SACS: variants seen among roughly 807,000 people sequenced by gnomAD.
SACS encodes the protein sacsin molecular chaperone.
A neutral mutation model predicts 348.0 loss-of-function variants in SACS; 197 were observed. The observed-to-expected ratio is 0.57, with a 90% CI of 0.50 to 0.64. SACS has a LOEUF of 0.64. Among genes scored for constraint, SACS ranks in the 30% least tolerant of loss-of-function variants. The probability of loss-of-function intolerance (pLI) is 0.00; values close to 1 mark genes in which losing one functional copy is unlikely to be tolerated. For missense variants in SACS, 4,999 were observed against 5,360.8 expected (o/e 0.93, Z 2.11); for synonymous variants, 1,985 against 1,910.6 (o/e 1.04, Z -1.02).
chr13:23,358,823 A>G (rs1870555834), intron 6 of SACS, among the ~76,000 whole-genome samples: 1 of 152,162 alleles, frequency 6.6e-6, no homozygotes, highest in African/African-American at 2.4e-5. Context: ...TTTTTTTGGT[A>G]AATGGAAAAT....
chr13:23,350,861 A>AAAAAG (rs1869909515), intron 9 of SACS, among the ~76,000 whole-genome samples: 1 of 152,206 alleles, frequency 6.6e-6, no homozygotes, highest in African/African-American at 2.4e-5. Flanking sequence ...GTAAGTTGAG[A>AAAAAG]AAAAGCATCT....
In SACS at chr13:23,338,044, T is replaced by C. The variant is rs374169472; in HGVS notation, c.5832A>G (p.Ala1944=). ...GAACTAAATCAGGATCGGGCCATAC[T>C]GCATAGTAAGTATAATCCATTAGCT... ...SGELMDYTYY[A]VWPDPDLVHD... The change falls in exon 10 of 10, where the codon GCA becomes GCG. Residue 1944 remains alanine, a synonymous_variant. Transcript: ENST00000382292. The C allele has an allele frequency of 1.1e-4, 173 of 1,613,758 alleles. No homozygotes were observed. The highest frequency in any genetic ancestry group is 1.4e-4 in the Non-Finnish European group (169 of 1,179,890).
At chr13:23,362,554 T>G (rs926228413) in intron 6 of SACS, among the ~76,000 whole-genome samples, 2 of 151,392 alleles carry the variant, frequency 1.3e-5, no homozygotes, top group East Asian at 1.9e-4. Context: ...CAGAGATCAC[T>G]GCCACCTGCT....
intron 9 of SACS, among the ~76,000 whole-genome samples, chr13:23,352,020 T>C (rs542564326): frequency 1.2e-4 from 19 of 152,284 alleles, no homozygotes; most frequent in Admixed American, 4.6e-4. Flanking sequence ...ATATAACAGG[T>C]TTGCCCCATC....
intron 2 of SACS, among the ~76,000 whole-genome samples, chr13:23,410,697 A>T (rs1030355872): frequency 6.6e-6 from 1 of 152,012 alleles, no homozygotes; most frequent in Admixed American, 6.5e-5. Context: ...TTTTTTTTGC[A>T]CAAATCCTCA....
intron 1 of SACS, among the ~76,000 whole-genome samples, chr13:23,426,508 T>C (rs1446027124): frequency 6.6e-6 from 1 of 151,840 alleles, no homozygotes; most frequent in Admixed American, 6.6e-5. Context: ...GGCATGATGG[T>C]GGGTGCCTGT....
At chr13:23,370,283 T>C (rs764015487) in intron 4 of SACS, among the ~76,000 whole-genome samples, 3 of 152,242 alleles carry the variant, frequency 2.0e-5, no homozygotes, top group Non-Finnish European at 4.4e-5. Flanking sequence ...AACAGCTTTA[T>C]TGAGTACAAC....
In SACS at chr13:23,334,148, C is replaced by T; in HGVS notation, c.9728G>A (p.Trp3243Ter). ...AATAAAATGCCATGCATTCTTAAGC[C>T]AAGACTCACTTGCAAAATTGTCTTT... ...KWKDNFASES[W>*]LKNAWHFISE... Residue 3243 changes from tryptophan to a stop codon, truncating the protein, a stop_gained, in exon 10 of 10, where the codon TGG (tryptophan) becomes TAG (stop). Transcript: ENST00000382292. LOFTEE classifies it high-confidence loss of function. 1 of 1,613,890 alleles carries T rather than the reference C, an allele frequency of 6.2e-7. No individual in the cohort carries two copies. The highest frequency in any genetic ancestry group is 8.5e-7 in the Non-Finnish European group (1 of 1,179,836).
chr13:23,341,959 TTG>T (rs1869284997), intron 9 of SACS, among the ~76,000 whole-genome samples: 1 of 151,886 alleles, frequency 6.6e-6, no homozygotes, highest in African/African-American at 2.4e-5. Context: ...GTTAATTTTT[TTG>T]TGTTTTTAGT....
Position 23,341,587 on chromosome 13 carries a change from T to C in SACS, c.2289A>G (p.Gln763=), listed in dbSNP as rs765734527. The change falls in exon 10 of 10, where the codon CAA becomes CAG. Residue 763 remains glutamine (Q), a synonymous_variant. Coordinates refer to ENST00000382292, the MANE Select transcript of SACS (RefSeq NM_014363.6). ...TFWPGRELIV[Q]WYPFDENRNH... ...TTCTGTTTTCATCAAATGGATACCATTGAACAATCAATTCTCTGCCAGGCC... is the reference window on the plus strand; with the variant it reads ...TTCTGTTTTCATCAAATGGATACCACTGAACAATCAATTCTCTGCCAGGCC... 115 of 1,614,098 alleles carry C rather than the reference T, an allele frequency of 7.1e-5. 2 individuals carry two copies. In the South Asian group the frequency reaches 9.2e-4, roughly 13 times the overall value.
At chr13:23,367,919 T>TA (rs1010677965) in intron 5 of SACS, among the ~76,000 whole-genome samples, 8 of 152,074 alleles carry the variant, frequency 5.3e-5, no homozygotes, top group Non-Finnish European at 1.2e-4. Flanking sequence ...ATAATCAAAC[T>TA]AAAAAAACAT....
At chr13:23,390,480 CA>C (rs1342026809) in intron 2 of SACS, among the ~76,000 whole-genome samples, 1 of 152,030 alleles carries the variant, frequency 6.6e-6, no homozygotes, top group Non-Finnish European at 1.5e-5. Flanking sequence ...GGCAAGATGG[CA>C]AAACCTCGTC....
intron 2 of SACS, among the ~76,000 whole-genome samples, chr13:23,408,753 C>T (rs1330178093): frequency 6.6e-6 from 1 of 152,010 alleles, no homozygotes; most frequent in Non-Finnish European, 1.5e-5. Flanking sequence ...ATCACGAGGT[C>T]AGGAAATCGA....
intron 9 of SACS, among the ~76,000 whole-genome samples, chr13:23,348,400 C>A (rs1263958672): frequency 6.6e-6 from 1 of 152,202 alleles, no homozygotes; most frequent in Non-Finnish European, 1.5e-5. Flanking sequence ...GGCCTCTGCG[C>A]CCCATCTCCT....
intron 2 of SACS, among the ~76,000 whole-genome samples, chr13:23,391,954 AGTCACCTTT>A (rs1206096856): frequency 6.6e-6 from 1 of 152,154 alleles, no homozygotes; most frequent in East Asian, 1.9e-4. Flanking sequence ...GCCAACAATG[AGTCACCTTT>A]TGCAGACCAG....
At position 23,371,124 on chromosome 13, in the gene SACS, A is replaced by G; in HGVS notation, c.213T>C (p.Asn71=). 6.2e-7 allele frequency: 1 copy of G among 1,612,356 alleles called. No individual in the cohort carries two copies. The highest frequency in any genetic ancestry group is 8.5e-7 in the Non-Finnish European group (1 of 1,178,664). The change falls in exon 4 of 10, where the codon AAT becomes AAC. Residue 71 remains asparagine, a synonymous_variant. Transcript: ENST00000382292. ...WIKIGDLTSK[N]CHLFVNLQSK... is the part of the protein sequence containing the mutation. ...ATTGAAGGTTTACAAAAAGATGACA[A>G]TTTTTGGAAGTCAGATCTCCAATCT...
In SACS at chr13:23,341,495, A is replaced by ATGT; in HGVS notation, c.2380_2381insACA (p.Leu794delinsTyrMet). 6.2e-7 allele frequency: 1 copy of ATGT among 1,614,038 alleles called. No homozygotes were observed. ...AAGTGGCATCTCATCAAATAAAGTCAAATCCTCTGAAAAATGTATATAAAG... is the reference window on the plus strand; with the variant it reads ...AAGTGGCATCTCATCAAATAAAGTCATGTAATCCTCTGAAAAATGTATATAAAG... On this transcript the variant is annotated protein_altering_variant, in exon 10 of 10. Transcript: ENST00000382292.
At chr13:23,397,134 C>A (rs915539505) in intron 2 of SACS, among the ~76,000 whole-genome samples, 1 of 149,556 alleles carries the variant, frequency 6.7e-6, no homozygotes, top group African/African-American at 2.4e-5. Context: ...CAGTTGTCTA[C>A]TTCCTAGTTC....
intron 9 of SACS, among the ~76,000 whole-genome samples, chr13:23,350,931 G>A (rs552886149): frequency 6.6e-6 from 1 of 152,276 alleles, no homozygotes; most frequent in Non-Finnish European, 1.5e-5. Context: ...CCTCTGGAAG[G>A]AAGTCTGTGG....
Sources: gnomAD v4.1 joint callset for allele counts (sites outside exome capture counted in the v4.1 genomes callset) on GRCh38, gnomAD v4.1.1 for gene constraint, MANE v1.5 for transcripts, NCBI Gene and HGNC (gene_info 2026-07-23, HGNC 2026-07-21) for gene names.